The following GPC5 variants were observed in gnomAD, a reference collection of about 807,000 sequenced individuals.
GPC5 encodes the protein glypican-5.
In GPC5, 47 loss-of-function variants were observed where a neutral mutation model predicts 53.9. The observed-to-expected ratio is 0.87, with a 90% CI of 0.69 to 1.11. GPC5 has a LOEUF of 1.11. Among genes scored for constraint, GPC5 ranks in the 50% most tolerant of loss-of-function variants. The probability of loss-of-function intolerance (pLI) is 0.00; values close to 1 mark genes in which losing one functional copy is unlikely to be tolerated. For synonymous variants in GPC5, 286 were observed against 263.3 expected (o/e 1.09, Z -0.84); for missense variants, 748 against 713.1 (o/e 1.05, Z -0.56).
chr13:91,585,978 T>A (rs1457456035), intron 2 of GPC5, among the ~76,000 whole-genome samples: 6 of 151,646 alleles, frequency 4.0e-5, no homozygotes, highest in Admixed American at 3.9e-4. Context: ...TTAACATCAG[T>A]GTTACTGAAG....
At chr13:92,448,215 A>T (rs1350660909) in intron 7 of GPC5, 1 of 152,160 alleles carries the variant, frequency 6.6e-6, no homozygotes, top group Admixed American at 6.6e-5. Context: ...AATTTATTCT[A>T]TAACAGTTTT....
At chr13:91,542,744 C>T (rs945969672) in intron 2 of GPC5, among the ~76,000 whole-genome samples, 2 of 151,880 alleles carry the variant, frequency 1.3e-5, no homozygotes, top group African/African-American at 2.4e-5. Flanking sequence ...CACGCAATGG[C>T]GCGATCTCAG....
At chr13:92,559,328 A>ATG (rs1173438697) in intron 7 of GPC5, among the ~76,000 whole-genome samples, 3 of 103,120 alleles carry the variant, frequency 2.9e-5, no homozygotes, top group East Asian at 2.9e-4. Flanking sequence ...TGTAGTGTGT[A>ATG]TATGTGTGTG....
chr13:91,598,424 G>A (rs2033070128), intron 2 of GPC5, among the ~76,000 whole-genome samples: 1 of 151,816 alleles, frequency 6.6e-6, no homozygotes, highest in African/African-American at 2.4e-5. Flanking sequence ...CCATTCACAG[G>A]GAGTGCAGAA....
At chr13:91,536,531 G>A (rs1300480712) in intron 2 of GPC5, among the ~76,000 whole-genome samples, 2 of 152,176 alleles carry the variant, frequency 1.3e-5, no homozygotes, top group African/African-American at 4.8e-5. Context: ...TTGTCTCACA[G>A]TACTGGAGGT....
intron 6 of GPC5, among the ~76,000 whole-genome samples, chr13:91,944,068 G>C (rs2039952687): frequency 6.6e-6 from 1 of 151,570 alleles, no homozygotes; most frequent in Admixed American, 6.6e-5. Flanking sequence ...GATTTTTGTG[G>C]CAGGATATTT....
chr13:92,710,603 C>A (rs1888101699), intron 7 of GPC5, among the ~76,000 whole-genome samples: 1 of 152,144 alleles, frequency 6.6e-6, no homozygotes, highest in African/African-American at 2.4e-5. Flanking sequence ...AGGGAAGGAT[C>A]TTCAAATTTT....
intron 7 of GPC5, among the ~76,000 whole-genome samples, chr13:92,659,889 C>A (rs1485404627): frequency 2.0e-5 from 3 of 152,112 alleles, no homozygotes; most frequent in African/African-American, 7.2e-5. Context: ...TGTGCAAAAC[C>A]CCTGTGGCAA....
chr13:91,767,721 T>C (rs1348674413), intron 5 of GPC5, among the ~76,000 whole-genome samples: 2 of 152,162 alleles, frequency 1.3e-5, no homozygotes, highest in Non-Finnish European at 2.9e-5. Flanking sequence ...TATTTTTAAC[T>C]TGTTACACGC....
chr13:91,624,019 A>C (rs1041240854), intron 2 of GPC5, among the ~76,000 whole-genome samples: 3 of 152,160 alleles, frequency 2.0e-5, no homozygotes, highest in African/African-American at 7.2e-5. Context: ...TGGAATTTCC[A>C]AACCAACGAA....
intron 7 of GPC5, among the ~76,000 whole-genome samples, chr13:92,294,060 T>C (rs2043016750): frequency 6.6e-6 from 1 of 152,198 alleles, no homozygotes; most frequent in African/African-American, 2.4e-5. Context: ...TCATGTTGGA[T>C]TGTCTTTCTG....
intron 7 of GPC5, among the ~76,000 whole-genome samples, chr13:92,385,579 TA>T (rs756558485): frequency 1.9e-4 from 20 of 106,284 alleles, no homozygotes; most frequent in South Asian, 1.6e-3. Flanking sequence ...TACGCATATA[TA>T]ATATATACGC....
intron 6 of GPC5, among the ~76,000 whole-genome samples, chr13:92,094,079 T>G (rs987963517): frequency 6.6e-6 from 1 of 152,190 alleles, no homozygotes; most frequent in Non-Finnish European, 1.5e-5. Context: ...AAACTGATTT[T>G]CATTAGATAC....
At chr13:92,545,845 A>G (rs1420314045) in intron 7 of GPC5, among the ~76,000 whole-genome samples, 4 of 152,114 alleles carry the variant, frequency 2.6e-5, no homozygotes, top group Non-Finnish European at 5.9e-5. Flanking sequence ...AGTAGGTTGC[A>G]AAAATTTTCT....
intron 1 of GPC5, among the ~76,000 whole-genome samples, chr13:91,441,444 A>G (rs1030989309): frequency 4.6e-5 from 7 of 152,152 alleles, no homozygotes; most frequent in African/African-American, 1.7e-4. Flanking sequence ...ATTTCTTTAT[A>G]TTGCAGGTGA....
At chr13:92,493,425 C>A (rs1246099367) in intron 7 of GPC5, among the ~76,000 whole-genome samples, 2 of 152,160 alleles carry the variant, frequency 1.3e-5, no homozygotes, top group South Asian at 2.1e-4. Flanking sequence ...TTTGTTGCTT[C>A]TTATCTACTT....
At chr13:91,481,201 C>T (rs759877196) in intron 2 of GPC5, among the ~76,000 whole-genome samples, 25 of 152,084 alleles carry the variant, frequency 1.6e-4, no homozygotes, top group Non-Finnish European at 3.1e-4. Context: ...AATGGGACAT[C>T]GTTATTTTAA....
At chr13:92,379,103 A>T (rs1308203835) in intron 7 of GPC5, among the ~76,000 whole-genome samples, 4 of 152,144 alleles carry the variant, frequency 2.6e-5, no homozygotes, top group Non-Finnish European at 4.4e-5. Flanking sequence ...TACTTGTGAA[A>T]CCAGTTTATT....
intron 6 of GPC5, among the ~76,000 whole-genome samples, chr13:91,946,002 C>T (rs2039971275): frequency 6.6e-6 from 1 of 152,072 alleles, no homozygotes; most frequent in Non-Finnish European, 1.5e-5. Context: ...TAACTCTGGT[C>T]CAGCATTTCT....
Sources: gnomAD v4.1 joint callset for allele counts (sites outside exome capture counted in the v4.1 genomes callset) on GRCh38, gnomAD v4.1.1 for gene constraint, MANE v1.5 for transcripts, NCBI Gene and HGNC (gene_info 2026-07-23, HGNC 2026-07-21) for gene names.